The following PRKCA variants were observed in gnomAD, a reference collection of about 807,000 sequenced individuals.
PRKCA encodes protein kinase C alpha type.
PRKCA carries 27 observed loss-of-function variants against 87.0 expected under a neutral mutation model. That is an observed-to-expected ratio of 0.31 (90% CI 0.23 to 0.43). The LOEUF (loss-of-function observed/expected upper bound fraction) is 0.43. PRKCA is among the 20% of genes least tolerant of loss of function. PRKCA has a pLI of 1.00. For missense variants in PRKCA, 518 were observed against 852.3 expected (o/e 0.61, Z 4.88); for synonymous variants, 329 against 311.1 (o/e 1.06, Z -0.61).
intron 2 of PRKCA, among the ~76,000 whole-genome samples, chr17:66,483,908 A>T (rs973419822): frequency 6.6e-6 from 1 of 152,156 alleles, no homozygotes; most frequent in Admixed American, 6.5e-5. Flanking sequence ...TAGAACATCA[A>T]CATGAATTTT....
chr17:66,549,128 C>A (rs1339196731), intron 3 of PRKCA, among the ~76,000 whole-genome samples: 1 of 149,426 alleles, frequency 6.7e-6, no homozygotes, highest in Admixed American at 6.7e-5. Context: ...TTTAAGCTAC[C>A]AAGTTTATGG....
chr17:66,585,635 C>T (rs11079661), intron 3 of PRKCA, among the ~76,000 whole-genome samples: 31,415 of 152,168 alleles, frequency 0.21, 3,414 homozygotes, highest in African/African-American at 0.28. Context: ...CACCCAAGGA[C>T]GCACTTCCCC....
intron 5 of PRKCA, among the ~76,000 whole-genome samples, chr17:66,647,615 A>G (rs1291499028): frequency 6.6e-6 from 1 of 152,240 alleles, no homozygotes; most frequent in Non-Finnish European, 1.5e-5. Context: ...CTAAAACTGC[A>G]TAGAGAGCAC....
At chr17:66,672,720 G>C (rs896543939) in intron 5 of PRKCA, among the ~76,000 whole-genome samples, 1 of 152,052 alleles carries the variant, frequency 6.6e-6, no homozygotes, top group African/African-American at 2.4e-5. Context: ...CCCCAAACAG[G>C]GAATTGATTA....
At chr17:66,639,231 A>G (rs1971225087) in intron 3 of PRKCA, 1 of 152,220 alleles carries the variant, frequency 6.6e-6, no homozygotes, top group Non-Finnish European at 1.5e-5. Flanking sequence ...GTACATGTTG[A>G]ATATGAAATT....
intron 3 of PRKCA, among the ~76,000 whole-genome samples, chr17:66,551,829 AATG>A (rs1160580355): frequency 6.6e-6 from 1 of 152,180 alleles, no homozygotes; most frequent in African/African-American, 2.4e-5. Context: ...TCTTTCCTTT[AATG>A]AAGTATAATT....
intron 16 of PRKCA, among the ~76,000 whole-genome samples, chr17:66,790,112 A>G (rs1035395069): frequency 6.6e-6 from 1 of 152,180 alleles, no homozygotes; most frequent in Non-Finnish European, 1.5e-5. Flanking sequence ...CAGGTGCCCC[A>G]TGAGCAGGCC....
chr17:66,431,425 C>T (rs964833475), intron 2 of PRKCA, among the ~76,000 whole-genome samples: 2 of 152,170 alleles, frequency 1.3e-5, no homozygotes, highest in Non-Finnish European at 2.9e-5. Flanking sequence ...CTTAATGGAA[C>T]AAGCACGTTT....
intron 2 of PRKCA, among the ~76,000 whole-genome samples, chr17:66,374,719 C>CTTT (rs35431248): frequency 1.5e-3 from 170 of 115,734 alleles, no homozygotes; most frequent in African/African-American, 2.1e-3. Flanking sequence ...GAGTTGCATT[C>CTTT]TTTTTTTTTT....
At chr17:66,376,827 C>T (rs1598624743) in intron 2 of PRKCA, among the ~76,000 whole-genome samples, 1 of 152,042 alleles carries the variant, frequency 6.6e-6, no homozygotes. Context: ...GTTGTGGCTT[C>T]TGCATAGCTC....
intron 3 of PRKCA, among the ~76,000 whole-genome samples, chr17:66,578,122 G>A (rs559671115): frequency 2.8e-4 from 42 of 149,584 alleles, no homozygotes; most frequent in African/African-American, 8.9e-4. Context: ...GCCAGCTAAC[G>A]AGAGACTGAA....
chr17:66,436,402 G>A (rs2143851472), intron 2 of PRKCA, among the ~76,000 whole-genome samples: 1 of 152,296 alleles, frequency 6.6e-6, no homozygotes, highest in South Asian at 2.1e-4. Flanking sequence ...CCATTTATGA[G>A]GGTGAAAATA....
chr17:66,785,341 G>A lies in PRKCA; in HGVS notation c.1606-1526G>A, dbSNP rs574695038. 7.2e-5 allele frequency among the ~76,000 whole-genome samples: 11 copies of A among 152,314 alleles called. No homozygotes were observed. The South Asian group carries it at 1.2e-3, about 17-fold the overall frequency. ...AGAAGGGCATCCTTCTGACTACTGC[G>A]AAGTTACCTGTGATCGAGGATTCAG... is the stretch of plus-strand genomic sequence containing the variant. On this transcript the variant is annotated intron_variant, in intron 14 of 16. Transcript: ENST00000413366.
intron 2 of PRKCA, among the ~76,000 whole-genome samples, chr17:66,399,110 T>A (rs866580600): frequency 1.6e-5 from 2 of 123,172 alleles, no homozygotes; most frequent in African/African-American, 5.7e-5. Context: ...CTTTTTTTTT[T>A]TTTTTTGAGA....
At chr17:66,692,952 T>C (rs1320426073) in intron 8 of PRKCA, among the ~76,000 whole-genome samples, 1 of 152,230 alleles carries the variant, frequency 6.6e-6, no homozygotes. Flanking sequence ...TCCTTCCATG[T>C]CCAGCCCTGT....
chr17:66,443,762 G>GT (rs5821523), intron 2 of PRKCA, among the ~76,000 whole-genome samples: 102,664 of 151,894 alleles, frequency 0.68, 34,792 homozygotes, highest in Middle Eastern at 0.79. Context: ...AGGGGGAGAA[G>GT]TTAGCTAATA....
chr17:66,541,829 T>C (rs1456954252), intron 3 of PRKCA, among the ~76,000 whole-genome samples: 1 of 152,204 alleles, frequency 6.6e-6, no homozygotes. Context: ...CTCTTCTGAG[T>C]CTCTGAGGAT....
At chr17:66,372,515 T>C (rs1403510588) in intron 2 of PRKCA, among the ~76,000 whole-genome samples, 1 of 152,240 alleles carries the variant, frequency 6.6e-6, no homozygotes, top group Non-Finnish European at 1.5e-5. Flanking sequence ...AAACTTTTAT[T>C]CTTGGCTTAA....
At chr17:66,636,062 C>T (rs1243865809) in intron 3 of PRKCA, among the ~76,000 whole-genome samples, 1 of 152,168 alleles carries the variant, frequency 6.6e-6, no homozygotes, top group Non-Finnish European at 1.5e-5. Flanking sequence ...TCCTCAGCAT[C>T]CTTAGGCACC....
Sources: gnomAD v4.1 joint callset for allele counts (sites outside exome capture counted in the v4.1 genomes callset) on GRCh38, gnomAD v4.1.1 for gene constraint, MANE v1.5 for transcripts, NCBI Gene and HGNC (gene_info 2026-07-23, HGNC 2026-07-21) for gene names.